PAK3: variants seen among roughly 807,000 people sequenced by gnomAD.
The protein encoded by PAK3 is serine/threonine-protein kinase PAK 3.
Under a neutral mutation model 41.0 loss-of-function variants are expected in PAK3, and 4 were observed. The observed-to-expected ratio is 0.10, with a 90% confidence interval of 0.05 to 0.22. The LOEUF (loss-of-function observed/expected upper bound fraction) is 0.22. PAK3 is among the 10% of genes least tolerant of loss of function. The pLI is 1.00. For missense variants in PAK3, 205 were observed against 409.9 expected (o/e 0.50, Z 4.32); for synonymous variants, 146 against 139.6 (o/e 1.05, Z -0.32).
intron 1 of PAK3, among the ~76,000 whole-genome samples, chrX:111,036,066 T>A (rs2092396673): frequency 8.9e-6 from 1 of 112,363 alleles, no homozygotes; most frequent in African/African-American, 3.2e-5. Context: ...TATTGCTAAA[T>A]CCATCAGTTC....
chrX:111,009,522 T>C (rs946648788), intron 1 of PAK3, among the ~76,000 whole-genome samples: 4 of 111,380 alleles, frequency 3.6e-5, no homozygotes, highest in African/African-American at 6.5e-5. Context: ...ACAGACAACC[T>C]GAAAAGGCTT....
chrX:111,033,929 T>TA (rs767845719), intron 1 of PAK3, among the ~76,000 whole-genome samples: 54 of 110,722 alleles, frequency 4.9e-4, no homozygotes, highest in African/African-American at 1.7e-3. Flanking sequence ...CATATACTTT[T>TA]AAAAAAAGAA....
chrX:111,193,014 G>A (rs2094574341), intron 13 of PAK3, among the ~76,000 whole-genome samples: 1 of 111,935 alleles, frequency 8.9e-6, no homozygotes, highest in South Asian at 3.7e-4. Flanking sequence ...AACTAACAGT[G>A]AGGTCTAGGG....
chrX:110,980,416 C>G (rs1231335970), intron 1 of PAK3, among the ~76,000 whole-genome samples: 1 of 111,632 alleles, frequency 9.0e-6, no homozygotes, highest in Non-Finnish European at 1.9e-5. Flanking sequence ...TTGAGGAGTG[C>G]ATGACAACAG....
At chrX:111,065,889 C>T (rs753097521) in intron 1 of PAK3, among the ~76,000 whole-genome samples, 185 of 111,368 alleles carry the variant, frequency 1.7e-3, no homozygotes, top group Middle Eastern at 9.3e-3. Flanking sequence ...TGTATTTCTG[C>T]GGGATCAGTT....
intron 1 of PAK3, among the ~76,000 whole-genome samples, chrX:110,974,992 A>T (rs1390048874): frequency 8.9e-6 from 1 of 112,066 alleles, no homozygotes; most frequent in Non-Finnish European, 1.9e-5. Context: ...TGACAAACCC[A>T]CAGCCAATAT....
At chrX:111,100,543 C>T (rs776320963) in intron 3 of PAK3, among the ~76,000 whole-genome samples, 177 of 111,393 alleles carry the variant, frequency 1.6e-3, no homozygotes, top group African/African-American at 5.6e-3. Flanking sequence ...CTTCTCCTTG[C>T]ATATATGGAT....
intron 13 of PAK3, among the ~76,000 whole-genome samples, chrX:111,194,046 T>C (rs191935910): frequency 6.2e-4 from 69 of 111,566 alleles, no homozygotes; most frequent in Admixed American, 4.8e-4. Flanking sequence ...AGAGACCTGA[T>C]TGTACTGCTA....
In PAK3 at chrX:111,062,841, CTT is replaced by C. The variant is rs11330952; in HGVS notation, c.-27-60222_-27-60221del. On this transcript the variant is annotated intron_variant, in intron 1 of 14. Coordinates refer to the PAK3 transcript ENST00000425146. ...GTAGAACCCATGGGTAAGGAAATTACTTTTTTTTTTTTTTTCTGCCTCAGAAG... is the reference window on the plus strand; with the variant it reads ...GTAGAACCCATGGGTAAGGAAATTACTTTTTTTTTTTTTCTGCCTCAGAAG... 5.6e-3 allele frequency among the ~76,000 whole-genome samples: 548 copies of C among 97,380 alleles called. 1 individual carries two copies. Among genetic ancestry groups the C allele is most frequent in the African/African-American group, 0.011 (313 of 27,233 alleles). The allele number at this position is 97,380 out of a possible 115,157, so 84.6% of individuals were successfully genotyped here.
At chrX:111,085,458 TG>T (rs1437873541) in intron 1 of PAK3, among the ~76,000 whole-genome samples, 2 of 112,631 alleles carry the variant, frequency 1.8e-5, no homozygotes, top group Non-Finnish European at 3.7e-5. Context: ...TTTAAATTTC[TG>T]TTTAACTCAA....
Position 111,028,001 on chromosome X carries a change from G to GTGTGTGTGTATATATATACATATATA in PAK3, c.-28+83378_-28+83379insGTGTATATATATACATATATATGTGT, listed in dbSNP as rs780630460. ...ATATGTATATAATATATATGTGTGTGTGTGTATATATATATACATATATAT... is the reference window on the plus strand; with the variant it reads ...ATATGTATATAATATATATGTGTGTGTGTGTGTGTATATATATACATATATATGTGTATATATATATACATATATAT... On this transcript the variant is annotated intron_variant, in intron 1 of 14. Transcript: ENST00000425146. 1.0e-3 allele frequency among the ~76,000 whole-genome samples: 100 copies of GTGTGTGTGTATATATATACATATATA among 96,181 alleles called. 1 individual carries two copies. The South Asian group carries it at 0.011, about 11-fold the overall frequency. 83.5% of individuals were successfully genotyped at this position (96,181 alleles called of 115,157 possible).
intron 11 of PAK3, among the ~76,000 whole-genome samples, chrX:111,176,403 G>A (rs1299821557): frequency 3.6e-5 from 4 of 110,491 alleles, no homozygotes; most frequent in African/African-American, 1.3e-4. Context: ...TTAAAACCTA[G>A]ATGATGAGTT....
At chrX:110,958,938 T>C (rs2090921589) in intron 1 of PAK3, among the ~76,000 whole-genome samples, 1 of 112,237 alleles carries the variant, frequency 8.9e-6, no homozygotes, top group African/African-American at 3.2e-5. Flanking sequence ...CTCTGGATTA[T>C]GCTTTTTTAA....
intron 11 of PAK3, among the ~76,000 whole-genome samples, chrX:111,178,507 T>G (rs1260129402): frequency 8.9e-6 from 1 of 111,823 alleles, no homozygotes; most frequent in Non-Finnish European, 1.9e-5. Flanking sequence ...ACGTATCTCA[T>G]AAGGTTGTAA....
intron 1 of PAK3, among the ~76,000 whole-genome samples, chrX:111,010,639 G>A: frequency 9.0e-6 from 1 of 110,723 alleles, no homozygotes; most frequent in East Asian, 2.9e-4. Flanking sequence ...TGACTCTCTT[G>A]CTCCCTCTCT....
intron 11 of PAK3, among the ~76,000 whole-genome samples, chrX:111,180,525 G>C (rs2094452934): frequency 8.9e-6 from 1 of 112,001 alleles, no homozygotes; most frequent in South Asian, 3.7e-4. Context: ...TCACATGAAA[G>C]ATTTTTATAA....
At chrX:111,070,260 TGAATTTGATCATTTATATGGAC>T (rs2092733320) in intron 1 of PAK3, among the ~76,000 whole-genome samples, 1 of 105,791 alleles carries the variant, frequency 9.5e-6, no homozygotes, top group Non-Finnish European at 1.9e-5. Flanking sequence ...GGACAACAGC[TGAATTTGATCATTTATATGGAC>T]AACAGCTGAA....
chrX:111,185,127 T>C (rs2094497030), intron 11 of PAK3, among the ~76,000 whole-genome samples: 1 of 112,445 alleles, frequency 8.9e-6, no homozygotes, highest in South Asian at 3.7e-4. Flanking sequence ...TTGTGATTTT[T>C]GATTTGCATT....
At chrX:111,040,547 G>T (rs1307020003) in intron 1 of PAK3, among the ~76,000 whole-genome samples, 1 of 111,694 alleles carries the variant, frequency 9.0e-6, no homozygotes, top group Non-Finnish European at 1.9e-5. Flanking sequence ...GACAAATCAT[G>T]GTTCACACTC....
Sources: allele counts gnomAD v4.1 joint callset (sites outside exome capture counted in the v4.1 genomes callset), GRCh38; gene constraint gnomAD v4.1.1; transcripts MANE v1.5; gene names NCBI Gene and HGNC (gene_info 2026-07-23, HGNC 2026-07-21).